Variants in RICTOR observed in about 807,000 individuals in gnomAD.
RICTOR encodes the protein rapamycin-insensitive companion of mTOR.
Under a neutral mutation model 214.9 loss-of-function variants are expected in RICTOR, and 49 were observed. The ratio of observed to expected loss-of-function variants is 0.23; its 90% CI spans 0.18 to 0.29. The LOEUF (loss-of-function observed/expected upper bound fraction) is 0.29, where lower values mean the gene tolerates loss of function less well. Among genes scored for constraint, RICTOR ranks in the 10% least tolerant of loss-of-function variants. RICTOR has a pLI of 1.00. For synonymous variants in RICTOR, 717 were observed against 711.3 expected, an observed-to-expected ratio of 1.01 and a Z score of -0.13; for missense variants, 1,625 against 2,047.0, an observed-to-expected ratio of 0.79 and a Z score of 3.98.
chr5:38,981,790 A>G (rs528385875), intron 8 of RICTOR, 77 bp downstream of exon 8: 14 of 1,001,230 alleles, frequency 1.4e-5, no homozygotes, highest in Non-Finnish European at 1.9e-5. Context: ...CTGCATCTAT[A>G]AAATTTAGTA....
At chr5:39,061,559 C>T (rs959667596) in intron 2 of RICTOR, among the ~76,000 whole-genome samples, 2 of 151,598 alleles carry the variant, frequency 1.3e-5, no homozygotes, top group African/African-American at 2.4e-5. Flanking sequence ...CATATTTAAG[C>T]ACTCCAGGTG....
chr5:39,048,182 C>T (rs940531936), intron 2 of RICTOR, among the ~76,000 whole-genome samples: 1 of 152,158 alleles, frequency 6.6e-6, no homozygotes, highest in African/African-American at 2.4e-5. Flanking sequence ...ATCTTGAGCC[C>T]TTCCAGGCCT....
At chr5:38,944,777 T>C in intron 35 of RICTOR, 136 bp downstream of exon 35, 1 of 923,082 alleles carries the variant, frequency 1.1e-6, no homozygotes, top group South Asian at 1.5e-5. Context: ...ATTAACAGTG[T>C]TAAATTGCTT....
intron 2 of RICTOR, among the ~76,000 whole-genome samples, chr5:39,040,210 T>C (rs377532685): frequency 8.0e-5 from 12 of 150,666 alleles, no homozygotes; most frequent in African/African-American, 2.9e-4. Flanking sequence ...AGCAAACTAT[T>C]GCAAGGACAA....
chr5:39,024,828 A>AT (rs1309614303), intron 2 of RICTOR, among the ~76,000 whole-genome samples: 1 of 152,318 alleles, frequency 6.6e-6, no homozygotes, highest in East Asian at 1.9e-4. Context: ...GATTGCAGAC[A>AT]TTTTTTTAAA....
chr5:39,024,286 G>A (rs770094587), intron 2 of RICTOR, among the ~76,000 whole-genome samples: 9 of 152,114 alleles, frequency 5.9e-5, no homozygotes, highest in Non-Finnish European at 8.8e-5. Context: ...AGAGACTTCT[G>A]GTTTAGCGTA....
intron 2 of RICTOR, among the ~76,000 whole-genome samples, chr5:39,030,082 A>G (rs1756158568): frequency 6.6e-6 from 1 of 152,132 alleles, no homozygotes; most frequent in Non-Finnish European, 1.5e-5. Context: ...TCCATATAGA[A>G]ATATTCAAAC....
Position 39,018,523 on chromosome 5 carries a change from T to G in RICTOR, c.195+2516A>C, listed in dbSNP as rs184895959. Among the ~76,000 whole-genome samples, 570 of 152,254 alleles carry G rather than the reference T, an allele frequency of 3.7e-3. 5 individuals are homozygous for G. Among genetic ancestry groups the G allele is most frequent in the African/African-American group, 0.013 (544 of 41,560 alleles). ...GCTCACTTTGCATGTCTGTCACATT[T>G]TGGCAATTCTTACAATACTAAAAAT... On this transcript the variant is annotated intron_variant, in intron 3 of 37. Transcript: ENST00000357387.
In RICTOR at chr5:38,959,322, C is replaced by T; in HGVS notation, c.2052-1G>A. On this transcript the variant is annotated splice_acceptor_variant, in intron 21 of 37. Transcript: ENST00000357387. LOFTEE classifies it high-confidence loss of function. The stretch of plus-strand genomic sequence containing the variant: ...TTTCAAGGAGCAAAGATTAAGGAGA[C>T]TTAAAAGAAAAAAAAAATAAGAATG... 6.8e-7 allele frequency: 1 copy of T among 1,472,772 alleles called. No homozygotes were observed. Among genetic ancestry groups the T allele is most frequent in the Non-Finnish European group, 9.2e-7 (1 of 1,090,354 alleles). 91.2% of individuals were successfully genotyped at this position (1,472,772 alleles called of 1,614,324 possible).
intron 2 of RICTOR, among the ~76,000 whole-genome samples, chr5:39,046,931 C>A (rs183866012): frequency 2.4e-4 from 36 of 152,162 alleles, no homozygotes; most frequent in South Asian, 4.1e-4. Context: ...TCAATTTTAC[C>A]CTTTAAGTCA....
chr5:38,968,083 T>G (rs1184571838), intron 11 of RICTOR, 53 bp from the exon 12 acceptor site: 1 of 974,268 alleles, frequency 1.0e-6, no homozygotes, highest in East Asian at 2.4e-5. Flanking sequence ...ACTTTTAAGA[T>G]TTTTAAATGT....
chr5:39,041,349 A>G (rs1306255616), intron 2 of RICTOR, among the ~76,000 whole-genome samples: 1 of 152,214 alleles, frequency 6.6e-6, no homozygotes, highest in African/African-American at 2.4e-5. Flanking sequence ...AAATGGAGCT[A>G]GATTCCAACA....
intron 2 of RICTOR, among the ~76,000 whole-genome samples, chr5:39,038,550 T>A (rs1756918132): frequency 6.6e-6 from 1 of 152,220 alleles, no homozygotes; most frequent in African/African-American, 2.4e-5. Flanking sequence ...GCAGATGATA[T>A]GATTGTATAT....
At chr5:39,053,607 T>C (rs114542391) in intron 2 of RICTOR, among the ~76,000 whole-genome samples, 5,030 of 152,216 alleles carry the variant, frequency 0.033, 136 homozygotes, top group South Asian at 0.081. Flanking sequence ...AAAGCAAGAA[T>C]AAGGGTCGGG....
intron 3 of RICTOR, among the ~76,000 whole-genome samples, chr5:39,019,733 C>T (rs186966861): frequency 3.8e-4 from 58 of 152,224 alleles, no homozygotes; most frequent in Admixed American, 1.1e-3. Flanking sequence ...CATTCTGCAG[C>T]CCATGAATCG....
intron 2 of RICTOR, among the ~76,000 whole-genome samples, chr5:39,034,052 A>G (rs1348369612): frequency 1.3e-5 from 2 of 152,350 alleles, no homozygotes; most frequent in Non-Finnish European, 2.9e-5. Flanking sequence ...AGAAAAGGTT[A>G]TAATTAACGG....
intron 2 of RICTOR, among the ~76,000 whole-genome samples, chr5:39,032,844 G>T (rs1405070565): frequency 1.3e-5 from 2 of 152,156 alleles, no homozygotes; most frequent in South Asian, 4.1e-4. Context: ...ATGGCACTAG[G>T]TCCCTTTAAC....
chr5:38,938,332 T>C lies in RICTOR; in HGVS notation c.*3972A>G, dbSNP rs1000955059. 1 of 228,674 alleles carries C rather than the reference T, an allele frequency of 4.4e-6. No homozygotes were observed. The highest frequency in any genetic ancestry group is 8.7e-6 in the Non-Finnish European group (1 of 115,000). 14.2% of individuals were successfully genotyped at this position (228,674 alleles called of 1,614,324 possible). On this transcript the variant is annotated 3_prime_UTR_variant, in exon 38 of 38. Coordinates refer to ENST00000357387, the MANE Select transcript of RICTOR (RefSeq NM_152756.5). The stretch of plus-strand genomic sequence containing the variant: ...ACTTTTCAAAACTAGTTTACACCAT[T>C]TGTTTTACAATGCAGCTTTAGGGTT...
intron 2 of RICTOR, among the ~76,000 whole-genome samples, chr5:39,051,259 A>G (rs900777082): frequency 1.3e-5 from 2 of 152,246 alleles, no homozygotes; most frequent in African/African-American, 4.8e-5. Flanking sequence ...TTATTTGTTT[A>G]TTAACACTTG....
Sources: allele counts gnomAD v4.1 joint callset (sites outside exome capture counted in the v4.1 genomes callset), GRCh38; gene constraint gnomAD v4.1.1; transcripts MANE v1.5; gene names NCBI Gene and HGNC (gene_info 2026-07-23, HGNC 2026-07-21).